PTN: variants seen among roughly 807,000 people sequenced by gnomAD.
The protein encoded by PTN is pleiotrophin, also known as heparin affin regulatory protein.
In PTN, 18 loss-of-function variants were observed where a neutral mutation model predicts 24.1. The observed-to-expected ratio is 0.75, with a 90% CI of 0.52 to 1.11. The LOEUF is 1.11. Among genes scored for constraint, PTN ranks in the 50% least tolerant of loss-of-function variants. The pLI, the probability that PTN is intolerant of heterozygous loss-of-function variation, is 0.00. For missense variants in PTN, 163 were observed against 198.8 expected, an observed-to-expected ratio of 0.82 and a Z score of 1.08; for synonymous variants, 78 against 68.6, an observed-to-expected ratio of 1.14 and a Z score of -0.67.
intron 1 of PTN, among the ~76,000 whole-genome samples, chr7:137,272,103 C>T (rs1809285119): frequency 6.6e-6 from 1 of 152,152 alleles, no homozygotes; most frequent in Non-Finnish European, 1.5e-5. Flanking sequence ...GTAAAAATAG[C>T]AATCCAATTC....
At position 137,334,936 on chromosome 7, in the gene PTN, C is replaced by T. The variant is rs866357084; in HGVS notation, c.-2+8503G>A. On this transcript the variant is annotated intron_variant, in intron 1 of 4. Coordinates refer to ENST00000348225, the MANE Select transcript of PTN (RefSeq NM_002825.7). Reference sequence around the variant, plus strand: ...GAAATCATCATTCTCAGTAAACTATCGCAAGGACAAAAAACCAAACACTAC... The same window carrying T: ...GAAATCATCATTCTCAGTAAACTATTGCAAGGACAAAAAACCAAACACTAC... Among the ~76,000 whole-genome samples, 1,270 of 150,520 alleles carry T rather than the reference C, an allele frequency of 8.4e-3. 17 individuals are homozygous for T. Among genetic ancestry groups the T allele is most frequent in the African/African-American group, 0.029 (1,192 of 40,824 alleles).
chr7:137,315,823 G>A (rs183697604), intron 1 of PTN, among the ~76,000 whole-genome samples: 1 of 152,202 alleles, frequency 6.6e-6, no homozygotes, highest in East Asian at 1.9e-4. Context: ...CTGATGGGAG[G>A]TGGCATTACA....
chr7:137,266,408 A>G (rs1054767643), intron 1 of PTN, among the ~76,000 whole-genome samples: 1 of 152,308 alleles, frequency 6.6e-6, no homozygotes, highest in Non-Finnish European at 1.5e-5. Context: ...TGTTTCTTCA[A>G]TAGTACTCAG....
chr7:137,318,859 TA>T (rs1329847789), intron 1 of PTN: 2 of 152,192 alleles, frequency 1.3e-5, no homozygotes, highest in African/African-American at 4.8e-5. Context: ...TGAGATAAGG[TA>T]TGTAAAAGCG....
At chr7:137,244,887 G>A (rs1267651238) in intron 4 of PTN, among the ~76,000 whole-genome samples, 6 of 152,016 alleles carry the variant, frequency 3.9e-5, no homozygotes, top group Admixed American at 2.0e-4. Flanking sequence ...CAAACTCTGC[G>A]GGATATTTAG....
chr7:137,336,739 G>A (rs320715), intron 1 of PTN, among the ~76,000 whole-genome samples: 58,715 of 151,978 alleles, frequency 0.39, 11,622 homozygotes, highest in South Asian at 0.47. Context: ...AGCAATTCAG[G>A]AGGGGGAAGA....
At chr7:137,300,246 T>C (rs1429922468) in intron 1 of PTN, among the ~76,000 whole-genome samples, 1 of 151,966 alleles carries the variant, frequency 6.6e-6, no homozygotes, top group Non-Finnish European at 1.5e-5. Flanking sequence ...GGGCCTAAGG[T>C]ACAGGTGGTT....
intron 1 of PTN, among the ~76,000 whole-genome samples, chr7:137,296,511 C>T (rs1254955386): frequency 1.3e-5 from 2 of 151,938 alleles, no homozygotes; most frequent in African/African-American, 2.4e-5. Flanking sequence ...TTGCCAGATG[C>T]CAGGAGATCA....
chr7:137,260,207 A>C lies in PTN; in HGVS notation c.-1-5233T>G, dbSNP rs144929209. 6.7e-3 allele frequency among the ~76,000 whole-genome samples: 1,021 copies of C among 152,284 alleles called. 5 individuals carry two copies. The highest frequency in any genetic ancestry group is 0.01 in the Non-Finnish European group (681 of 67,984). Reference sequence around the variant, plus strand: ...AGTAAATGATTTGTGATGCTTCTGCATTATTTGTTTCACATTGCCAGATTG... The same window carrying C: ...AGTAAATGATTTGTGATGCTTCTGCCTTATTTGTTTCACATTGCCAGATTG... On this transcript the variant is annotated intron_variant, in intron 1 of 4. Transcript: ENST00000348225.
At chr7:137,265,878 A>C (rs1311633916) in intron 1 of PTN, among the ~76,000 whole-genome samples, 1 of 152,206 alleles carries the variant, frequency 6.6e-6, no homozygotes, top group Non-Finnish European at 1.5e-5. Flanking sequence ...CTTCTTGTAA[A>C]ATGAATGTTT....
intron 1 of PTN, among the ~76,000 whole-genome samples, chr7:137,259,578 C>A (rs548990972): frequency 6.6e-6 from 1 of 151,206 alleles, no homozygotes. Context: ...TTAGTGTACC[C>A]CTTTACTCTT....
chr7:137,316,467 T>C (rs750066993), intron 1 of PTN, among the ~76,000 whole-genome samples: 10 of 152,152 alleles, frequency 6.6e-5, no homozygotes, highest in Non-Finnish European at 1.3e-4. Flanking sequence ...AAATTCAGAC[T>C]GAAGCATTTT....
intron 4 of PTN, among the ~76,000 whole-genome samples, chr7:137,245,270 G>C (rs1808703258): frequency 6.6e-6 from 1 of 152,204 alleles, no homozygotes; most frequent in Non-Finnish European, 1.5e-5. Context: ...TTCTGACGAA[G>C]AGCTGAGTGA....
chr7:137,259,915 A>G lies in PTN; in HGVS notation c.-1-4941T>C, dbSNP rs555317569. The stretch of plus-strand genomic sequence containing the variant: ...TTTAACTTGTATGAAATAAGAAAAA[A>G]CATCTCACTTTGCAACTACATATTA... On this transcript the variant is annotated intron_variant, in intron 1 of 4. Transcript: ENST00000348225. 4.6e-5 allele frequency among the ~76,000 whole-genome samples: 7 copies of G among 152,212 alleles called. No individual in the cohort carries two copies. In the South Asian group the frequency reaches 1.2e-3, roughly 27 times the overall value.
At chr7:137,305,994 C>T (rs1809882069) in intron 1 of PTN, among the ~76,000 whole-genome samples, 1 of 152,070 alleles carries the variant, frequency 6.6e-6, no homozygotes, top group Non-Finnish European at 1.5e-5. Flanking sequence ...TTACCTCCTC[C>T]CCTTATAATT....
At chr7:137,278,306 C>CAAAAAAAAAAA (rs71176391) in intron 1 of PTN, among the ~76,000 whole-genome samples, 18 of 62,850 alleles carry the variant, frequency 2.9e-4, no homozygotes, top group East Asian at 4.9e-4. Context: ...GACTCCGTCT[C>CAAAAAAAAAAA]AAAAAAAAAA....
At chr7:137,301,245 T>C (rs1809800964) in intron 1 of PTN, among the ~76,000 whole-genome samples, 1 of 151,698 alleles carries the variant, frequency 6.6e-6, no homozygotes, top group Non-Finnish European at 1.5e-5. Context: ...AAGACTGATA[T>C]GAGGAAAATG....
intron 1 of PTN, among the ~76,000 whole-genome samples, chr7:137,341,249 G>A (rs1009192900): frequency 6.6e-6 from 1 of 152,092 alleles, no homozygotes; most frequent in African/African-American, 2.4e-5. Flanking sequence ...TCTCTCTGTT[G>A]TTTTCAACAA....
chr7:137,280,208 T>A (rs78275150), intron 1 of PTN, among the ~76,000 whole-genome samples: 2 of 152,184 alleles, frequency 1.3e-5, no homozygotes, highest in Non-Finnish European at 2.9e-5. Context: ...CTACTTTTAA[T>A]ATTAATAATT....
Sources: allele counts gnomAD v4.1 joint callset (sites outside exome capture counted in the v4.1 genomes callset), GRCh38; gene constraint gnomAD v4.1.1; transcripts MANE v1.5; gene names NCBI Gene and HGNC (gene_info 2026-07-23, HGNC 2026-07-21).